The following CAMSAP2 variants were observed in gnomAD, a reference collection of about 807,000 sequenced individuals.
The protein encoded by CAMSAP2 is calmodulin regulated spectrin associated protein family member 2, also known as calmodulin-regulated spectrin-associated protein 2.
CAMSAP2 carries 26 observed loss-of-function variants against 146.1 expected under a neutral mutation model. The observed-to-expected ratio is 0.18, with a 90% CI of 0.13 to 0.25. The LOEUF is 0.25. CAMSAP2 is among the 10% of genes least tolerant of loss of function. The probability of loss-of-function intolerance (pLI) is 1.00; values close to 1 mark genes in which losing one functional copy is unlikely to be tolerated. For synonymous variants in CAMSAP2, 499 were observed against 596.6 expected, an observed-to-expected ratio of 0.84 and a Z score of 2.38; for missense variants, 1,381 against 1,759.3, an observed-to-expected ratio of 0.78 and a Z score of 3.85.
Position 200,739,239 on chromosome 1 carries a change from G to C in CAMSAP2, c.-589G>C, listed in dbSNP as rs1432622052. On this transcript the variant is annotated 5_prime_UTR_variant, in exon 1 of 17. Coordinates refer to ENST00000358823, the MANE Select transcript of CAMSAP2 (RefSeq NM_203459.4). This position sits in a 1 kb window ranked among gnomAD's most constrained non-coding sequence, Gnocchi z 4.8. ...CCGCTGCTGCGTCTCCGGCGGGCAG[G>C]GGCCGGGCTGCGCTGGGTGGGCCAG... 6.6e-6 allele frequency among the ~76,000 whole-genome samples: 1 copy of C among 152,106 alleles called. No individual in the cohort carries two copies. Among genetic ancestry groups the C allele is most frequent in the African/African-American group, 2.4e-5 (1 of 41,450 alleles).
chr1:200,846,137 A>G (rs1667454389), intron 8 of CAMSAP2, among the ~76,000 whole-genome samples: 1 of 152,214 alleles, frequency 6.6e-6, no homozygotes, highest in Non-Finnish European at 1.5e-5. Context: ...CATTCAAAGT[A>G]ATTTCTGTAT....
At chr1:200,817,215 CACAT>C (rs1216622743) in intron 4 of CAMSAP2, among the ~76,000 whole-genome samples, 2 of 96,576 alleles carry the variant, frequency 2.1e-5, no homozygotes, top group African/African-American at 9.4e-5. Context: ...CACACATACA[CACAT>C]ATGTGTGTGT....
intron 3 of CAMSAP2, among the ~76,000 whole-genome samples, chr1:200,814,681 A>G (rs1209273304): frequency 6.6e-6 from 1 of 151,522 alleles, no homozygotes; most frequent in Non-Finnish European, 1.5e-5. Flanking sequence ...CACTAAAACT[A>G]CAACTCTTCC....
chr1:200,786,396 T>TTC (rs1553283221), intron 2 of CAMSAP2, among the ~76,000 whole-genome samples: 1 of 151,998 alleles, frequency 6.6e-6, no homozygotes, highest in Non-Finnish European at 1.5e-5. Context: ...TTTTTTTTTT[T>TTC]TCTTTGAGAT....
chr1:200,824,729 C>T (rs937902113), intron 4 of CAMSAP2, among the ~76,000 whole-genome samples: 23 of 152,090 alleles, frequency 1.5e-4, no homozygotes, highest in Admixed American at 1.0e-3. Context: ...CTATAATCCC[C>T]GCACTTTGGG....
At chr1:200,754,364 T>C (rs191008953) in intron 1 of CAMSAP2, among the ~76,000 whole-genome samples, 309 of 152,270 alleles carry the variant, frequency 2.0e-3, no homozygotes, top group Non-Finnish European at 3.7e-3. Context: ...GTCAAAGTGG[T>C]ATCTGTAGTT....
Position 200,764,946 on chromosome 1 carries a change from A to T in CAMSAP2, c.399+3848A>T, listed in dbSNP as rs550403659. ...TAGTGAAACCCCATCTCTACTAAAA[A>T]TACAGAAATTAGCTGGGCGTGATGG... On this transcript the variant is annotated intron_variant, in intron 2 of 16. Transcript: ENST00000358823. Among the ~76,000 whole-genome samples, 18 of 152,204 alleles carry T rather than the reference A, an allele frequency of 1.2e-4. No homozygotes were observed. The South Asian group carries it at 3.7e-3, about 32-fold the overall frequency.
intron 3 of CAMSAP2, among the ~76,000 whole-genome samples, chr1:200,811,108 CTTAAT>C (rs1666318720): frequency 6.6e-6 from 1 of 152,112 alleles, no homozygotes; most frequent in South Asian, 2.1e-4. Context: ...TTTTTCTGTC[CTTAAT>C]TTAAACTCAA....
rs1666211505 is a variant in CAMSAP2, at chr1:200,807,543, A to C, written c.561+6A>C. The C allele has an allele frequency of 6.4e-7, 1 of 1,573,344 alleles. No homozygotes were observed. The highest frequency in any genetic ancestry group is 8.6e-7 in the Non-Finnish European group (1 of 1,159,470). On this transcript the variant is annotated splice_donor_region_variant and intron_variant, in intron 3 of 16. Coordinates refer to ENST00000358823, the MANE Select transcript of CAMSAP2 (RefSeq NM_203459.4). The stretch of plus-strand genomic sequence containing the variant: ...TCATGTACTGGATAAATAAGGTAGG[A>C]TTATACTCACTTGAGTAAATCGCAT...
intron 9 of CAMSAP2, 66 bp from the exon 10 acceptor site, chr1:200,847,574 T>C: frequency 8.2e-7 from 1 of 1,214,594 alleles, no homozygotes; most frequent in Non-Finnish European, 1.2e-6. Flanking sequence ...ACATGAAATC[T>C]CCTAAGTTGC....
At chr1:200,773,374 C>T (rs1253704808) in intron 2 of CAMSAP2, among the ~76,000 whole-genome samples, 1 of 152,114 alleles carries the variant, frequency 6.6e-6, no homozygotes, top group Non-Finnish European at 1.5e-5. Context: ...TTGCCTCACC[C>T]TCCCAAGTAG....
intron 1 of CAMSAP2, among the ~76,000 whole-genome samples, chr1:200,752,322 T>C (rs1379800338): frequency 6.6e-6 from 1 of 152,192 alleles, no homozygotes; most frequent in East Asian, 1.9e-4. Flanking sequence ...GCATATAATA[T>C]TGCTTAATGT....
At chr1:200,785,027 G>C (rs148498657) in intron 2 of CAMSAP2, among the ~76,000 whole-genome samples, 2 of 152,260 alleles carry the variant, frequency 1.3e-5, no homozygotes, top group African/African-American at 2.4e-5. Flanking sequence ...TCATATGGCT[G>C]TTCTCATTTA....
At chr1:200,794,772 T>G (rs1401866302) in intron 2 of CAMSAP2, among the ~76,000 whole-genome samples, 1 of 152,216 alleles carries the variant, frequency 6.6e-6, no homozygotes, top group African/African-American at 2.4e-5. Flanking sequence ...ATGCTCTAAT[T>G]AGAGTCCCAT....
Position 200,832,363 on chromosome 1 carries a change from T to C in CAMSAP2, c.787+22T>C. On this transcript the variant is annotated intron_variant, in intron 5 of 16. Transcript: ENST00000358823. This position sits in a 1 kb window ranked among gnomAD's most constrained non-coding sequence, Gnocchi z 4.2. ...GAGGGTAAGTGTTCCATTGTAATACTTCTGAACTGTAGACAGATAGTAACC... is the reference window on the plus strand; with the variant it reads ...GAGGGTAAGTGTTCCATTGTAATACCTCTGAACTGTAGACAGATAGTAACC... 6.3e-7 allele frequency: 1 copy of C among 1,599,220 alleles called. No individual in the cohort carries two copies. The highest frequency in any genetic ancestry group is 8.5e-7 in the Non-Finnish European group (1 of 1,173,754).
intron 13 of CAMSAP2, among the ~76,000 whole-genome samples, chr1:200,854,257 C>T (rs1265092892): frequency 6.6e-6 from 1 of 152,260 alleles, no homozygotes; most frequent in East Asian, 1.9e-4. Context: ...GTTAGGATTA[C>T]AGGTGTGAGT....
chr1:200,767,556 G>T (rs1250167666), intron 2 of CAMSAP2, among the ~76,000 whole-genome samples: 6 of 149,848 alleles, frequency 4.0e-5, no homozygotes, highest in African/African-American at 1.5e-4. Context: ...ACCATCTGTT[G>T]GAACTCAAGT....
intron 9 of CAMSAP2, 83 bp from the exon 10 acceptor site, chr1:200,847,557 C>A (rs1223772001): frequency 2.0e-5 from 22 of 1,080,686 alleles, no homozygotes; most frequent in Non-Finnish European, 2.8e-5. Context: ...TTAATGAATC[C>A]TCAAATACAT....
chr1:200,752,364 AT>A (rs1178229935), intron 1 of CAMSAP2, among the ~76,000 whole-genome samples: 4 of 152,100 alleles, frequency 2.6e-5, no homozygotes, highest in Non-Finnish European at 4.4e-5. Flanking sequence ...CCTGGTTCTT[AT>A]TTTAATATAT....
Sources: gnomAD v4.1 joint callset for allele counts (sites outside exome capture counted in the v4.1 genomes callset) on GRCh38, gnomAD v4.1.1 for gene constraint, Gnocchi (gnomAD v3.1) non-coding constraint, MANE v1.5 for transcripts, NCBI Gene and HGNC (gene_info 2026-07-23, HGNC 2026-07-21) for gene names.